MCPH1: variants seen among roughly 807,000 people sequenced by gnomAD.
MCPH1 encodes microcephalin 1.
In MCPH1, 104 loss-of-function variants were observed where a neutral mutation model predicts 84.5. The ratio of observed to expected loss-of-function variants is 1.23; its 90% confidence interval spans 1.05 to 1.45. The LOEUF (loss-of-function observed/expected upper bound fraction) is 1.45. MCPH1 is among the 40% of genes most tolerant of loss of function. MCPH1 has a pLI of 0.00. For synonymous variants in MCPH1, 514 were observed against 366.8 expected, an observed-to-expected ratio of 1.40 and a Z score of -4.58; for missense variants, 1,498 against 1,005.7, an observed-to-expected ratio of 1.49 and a Z score of -6.62.
intron 13 of MCPH1, among the ~76,000 whole-genome samples, chr8:6,632,721 A>G (rs1018215767): frequency 5.3e-5 from 8 of 152,314 alleles, no homozygotes; most frequent in African/African-American, 1.9e-4. Context: ...AGGCAGGAGA[A>G]TCACTTAAAC....
intron 12 of MCPH1, among the ~76,000 whole-genome samples, chr8:6,517,061 A>G (rs531342904): frequency 6.6e-6 from 1 of 152,358 alleles, no homozygotes; most frequent in South Asian, 2.1e-4. Context: ...TAATTGGACT[A>G]TAAAACTTGC....
At chr8:6,565,316 A>G (rs1430983194) in intron 12 of MCPH1, among the ~76,000 whole-genome samples, 3 of 152,178 alleles carry the variant, frequency 2.0e-5, no homozygotes, top group South Asian at 4.1e-4. Flanking sequence ...TAACTCTGCT[A>G]TTCTCTGAAT....
At chr8:6,503,390 G>C in intron 12 of MCPH1, 3 of 886,052 alleles carry the variant, frequency 3.4e-6, no homozygotes, top group Non-Finnish European at 1.8e-6. Context: ...AGATGATGGT[G>C]AGTATAGGAT....
At chr8:6,514,821 C>A in intron 12 of MCPH1, 2 of 1,551,324 alleles carry the variant, frequency 1.3e-6, no homozygotes, top group Non-Finnish European at 1.8e-6. Flanking sequence ...AGCCCCCCCA[C>A]TCCCCCCTTA....
Position 6,450,352 on chromosome 8 carries a change from C to T in MCPH1, c.1826-4791C>T, listed in dbSNP as rs116920305. On this transcript the variant is annotated intron_variant, in intron 8 of 13. Coordinates refer to ENST00000344683, the MANE Select transcript of MCPH1 (RefSeq NM_024596.5). ...CTTTAGTGCAGTGTCCATACTTTAT[C>T]TGAAAGGTTTGCTGGAGGCAGACAA... 1.2e-3 allele frequency among the ~76,000 whole-genome samples: 184 copies of T among 152,020 alleles called. 3 individuals carry two copies. In the East Asian group the frequency reaches 0.03, roughly 24 times the overall value.
chr8:6,423,377 G>T (rs201594503), intron 3 of MCPH1, among the ~76,000 whole-genome samples: 2 of 151,050 alleles, frequency 1.3e-5, no homozygotes, highest in Non-Finnish European at 2.9e-5. Flanking sequence ...GTGTTAGCCA[G>T]GATGGTCTCC....
intron 9 of MCPH1, among the ~76,000 whole-genome samples, chr8:6,458,192 G>A (rs904380587): frequency 3.9e-5 from 6 of 152,134 alleles, no homozygotes; most frequent in Admixed American, 3.9e-4. Context: ...TGATTTGCGG[G>A]CTGGGTGCGG....
In MCPH1 at chr8:6,441,371, C is replaced by T. The variant is rs963638493; in HGVS notation, c.581-696C>T. Among the ~76,000 whole-genome samples, 3 of 146,462 alleles carry T rather than the reference C, an allele frequency of 2.0e-5. No homozygotes were observed. In the East Asian group the frequency reaches 6.1e-4, roughly 30 times the overall value. On this transcript the variant is annotated intron_variant, in intron 6 of 13. Transcript: ENST00000344683. The stretch of plus-strand genomic sequence containing the variant: ...AACTTAACTGAAAATTTTATGTGTG[C>T]TTCCCTTCCTTATCTTGGTTTATTC...
chr8:6,447,617 C>G (rs1804588821), intron 8 of MCPH1, among the ~76,000 whole-genome samples: 1 of 152,212 alleles, frequency 6.6e-6, no homozygotes. Context: ...GTGGCACAAT[C>G]TCAGCTCACT....
chr8:6,627,650 G>C (rs992111792), intron 13 of MCPH1, among the ~76,000 whole-genome samples: 2 of 152,178 alleles, frequency 1.3e-5, no homozygotes, highest in African/African-American at 2.4e-5. Flanking sequence ...CAGCACTTTA[G>C]GAGGCCGAGG....
intron 12 of MCPH1, among the ~76,000 whole-genome samples, chr8:6,576,957 G>A (rs761622014): frequency 2.6e-5 from 4 of 151,980 alleles, no homozygotes; most frequent in Admixed American, 1.3e-4. Flanking sequence ...TCTGAGAGAC[G>A]CAGGGCCCTG....
chr8:6,568,240 CCCATCGCTAGCTGAATGTGGAAT>C (rs1305805361), intron 12 of MCPH1, among the ~76,000 whole-genome samples: 4 of 118,556 alleles, frequency 3.4e-5, no homozygotes, highest in African/African-American at 1.8e-4. Flanking sequence ...GGCGCGTGGA[CCCATCGCTAGCTGAATGTGGAAT>C]GTGGACCCAT....
intron 12 of MCPH1, among the ~76,000 whole-genome samples, chr8:6,557,045 G>A (rs1824738291): frequency 6.6e-6 from 1 of 152,168 alleles, no homozygotes; most frequent in African/African-American, 2.4e-5. Flanking sequence ...GGTGGGCGGG[G>A]TCATATGGTG....
At chr8:6,493,823 C>A (rs192286596) in intron 11 of MCPH1, among the ~76,000 whole-genome samples, 1 of 152,304 alleles carries the variant, frequency 6.6e-6, no homozygotes, top group Non-Finnish European at 1.5e-5. Flanking sequence ...TGCGGAGCTA[C>A]TTTGTCAGTG....
intron 12 of MCPH1, among the ~76,000 whole-genome samples, chr8:6,510,371 G>A (rs1814798867): frequency 6.6e-6 from 1 of 152,174 alleles, no homozygotes; most frequent in Non-Finnish European, 1.5e-5. Context: ...GGCAGGAGAA[G>A]TGTACTTGAA....
In MCPH1 at chr8:6,423,031, C is replaced by T. The variant is rs957119548; in HGVS notation, c.233+8148C>T. Among the ~76,000 whole-genome samples, 10 of 151,230 alleles carry T rather than the reference C, an allele frequency of 6.6e-5. No homozygotes were observed. In the East Asian group the frequency reaches 1.6e-3, roughly 23 times the overall value. Reference sequence around the variant, plus strand: ...AGAGACAGGGTTTCACCATGTTGGCCAGGCTGGTTTAACTCCTGACCTCAG... The same window carrying T: ...AGAGACAGGGTTTCACCATGTTGGCTAGGCTGGTTTAACTCCTGACCTCAG... On this transcript the variant is annotated intron_variant, in intron 3 of 13. Transcript: ENST00000344683.
intron 12 of MCPH1, among the ~76,000 whole-genome samples, chr8:6,512,344 G>C (rs573415122): frequency 5.1e-4 from 77 of 152,308 alleles, no homozygotes; most frequent in African/African-American, 1.8e-3. Flanking sequence ...TTAACATTGT[G>C]TCTCCTTTCA....
chr8:6,562,552 CTT>C (rs55804146), intron 12 of MCPH1: 1,379 of 73,714 alleles, frequency 0.019, 2 homozygotes, highest in Middle Eastern at 0.059. Flanking sequence ...CATCCTCCTT[CTT>C]TTTTTTTTTT....
chr8:6,636,858 G>A (rs1797594630), intron 13 of MCPH1, among the ~76,000 whole-genome samples: 1 of 152,154 alleles, frequency 6.6e-6, no homozygotes, highest in Non-Finnish European at 1.5e-5. Context: ...TTTTGGATAA[G>A]GGAAACACCA....
Sources: allele counts gnomAD v4.1 joint callset (sites outside exome capture counted in the v4.1 genomes callset), GRCh38; gene constraint gnomAD v4.1.1; transcripts MANE v1.5; gene names NCBI Gene and HGNC (gene_info 2026-07-23, HGNC 2026-07-21).